The following FBXO42 variants were observed in gnomAD, a reference collection of about 807,000 sequenced individuals.
The protein encoded by FBXO42 is F-box protein 42.
FBXO42 carries 12 observed loss-of-function variants against 71.7 expected under a neutral mutation model. The observed-to-expected ratio is 0.17, with a 90% CI of 0.11 to 0.27. The LOEUF (loss-of-function observed/expected upper bound fraction) is 0.27, where lower values mean the gene tolerates loss of function less well. FBXO42 is among the 10% of genes least tolerant of loss of function. The probability of loss-of-function intolerance (pLI) is 1.00; values close to 1 mark genes in which losing one functional copy is unlikely to be tolerated. For synonymous variants in FBXO42, 325 were observed against 327.5 expected (o/e 0.99, Z 0.08); for missense variants, 707 against 911.9 (o/e 0.78, Z 2.89).
chr1:16,272,154 CAA>C (rs999974704), intron 4 of FBXO42, among the ~76,000 whole-genome samples: 72 of 44,632 alleles, frequency 1.6e-3, no homozygotes, highest in African/African-American at 5.7e-3. Flanking sequence ...GACTCCGTCC[CAA>C]AAAAAAAAAA....
At chr1:16,269,022 G>A (rs1273853712) in intron 4 of FBXO42, among the ~76,000 whole-genome samples, 2 of 151,780 alleles carry the variant, frequency 1.3e-5, no homozygotes, top group African/African-American at 4.8e-5. Flanking sequence ...TGTTGGCCAG[G>A]CTGGTCTCGA....
At chr1:16,325,812 G>A (rs946446711) in intron 1 of FBXO42, among the ~76,000 whole-genome samples, 3 of 151,952 alleles carry the variant, frequency 2.0e-5, no homozygotes, top group African/African-American at 4.8e-5. Flanking sequence ...TTTTAGTAAA[G>A]ACAGGGTTTC....
At chr1:16,268,512 A>G (rs370546255) in intron 4 of FBXO42, among the ~76,000 whole-genome samples, 160 of 152,306 alleles carry the variant, frequency 1.1e-3, no homozygotes, top group African/African-American at 3.7e-3. Flanking sequence ...TTGTTACAGG[A>G]CTGCAAAGGG....
At chr1:16,322,193 G>C (rs1458912183) in intron 1 of FBXO42, among the ~76,000 whole-genome samples, 1 of 152,110 alleles carries the variant, frequency 6.6e-6, no homozygotes, top group African/African-American at 2.4e-5. Flanking sequence ...ATGGAATTTT[G>C]TACCTTTTAA....
chr1:16,299,973 C>G (rs1160594558), intron 3 of FBXO42, among the ~76,000 whole-genome samples: 2 of 152,098 alleles, frequency 1.3e-5, no homozygotes, highest in African/African-American at 4.8e-5. Flanking sequence ...CCCTAGCCTA[C>G]TGAACTTTAC....
rs1021569516 is a variant in FBXO42, at chr1:16,315,088, G to A, written c.250+81C>T. 5.4e-6 allele frequency: 8 copies of A among 1,479,266 alleles called. No homozygotes were observed. In the African/African-American group the frequency reaches 7.0e-5, roughly 13 times the overall value. The allele number at this position is 1,479,266 out of a possible 1,614,324, so 91.6% of individuals were successfully genotyped here. On this transcript the variant is annotated intron_variant, in intron 2 of 9. Coordinates refer to ENST00000375592, the MANE Select transcript of FBXO42 (RefSeq NM_018994.3). ...TATAACCATAATACATTTAAGGGAG[G>A]AAAAAAACTAAATTTGGAGTCTAAA...
At chr1:16,349,115 G>A (rs1036882294) in intron 1 of FBXO42, among the ~76,000 whole-genome samples, 1 of 145,886 alleles carries the variant, frequency 6.9e-6, no homozygotes, top group African/African-American at 2.5e-5. Context: ...TGTCATGACA[G>A]TGAATGAATA....
chr1:16,262,843 G>C (rs2081729342), intron 4 of FBXO42, among the ~76,000 whole-genome samples: 1 of 151,994 alleles, frequency 6.6e-6, no homozygotes, highest in South Asian at 2.1e-4. Flanking sequence ...CCAAGTAGCT[G>C]GGACTACAGG....
intron 1 of FBXO42, among the ~76,000 whole-genome samples, chr1:16,318,305 C>A (rs2082387043): frequency 6.6e-6 from 1 of 152,098 alleles, no homozygotes; most frequent in Non-Finnish European, 1.5e-5. Context: ...GTAATCCCAG[C>A]TACTCGGGAG....
At chr1:16,283,494 G>GTTTTTGTTTTTTTTTT (rs1553151402) in intron 4 of FBXO42, among the ~76,000 whole-genome samples, 1 of 80,972 alleles carries the variant, frequency 1.2e-5, no homozygotes, top group African/African-American at 4.5e-5. Flanking sequence ...ACTGTGGCAA[G>GTTTTTGTTTTTTTTTT]TTTTTTTTTT....
At chr1:16,271,880 TG>T (rs970239829) in intron 4 of FBXO42, among the ~76,000 whole-genome samples, 1 of 151,154 alleles carries the variant, frequency 6.6e-6, no homozygotes, top group Non-Finnish European at 1.5e-5. Flanking sequence ...GGCTCACACT[TG>T]TAATCTCAGC....
intron 4 of FBXO42, among the ~76,000 whole-genome samples, chr1:16,261,851 C>A (rs2081717530): frequency 6.6e-6 from 1 of 151,818 alleles, no homozygotes; most frequent in African/African-American, 2.4e-5. Flanking sequence ...CTACAGGCAC[C>A]CCCCGCCATG....
intron 4 of FBXO42, chr1:16,292,577 G>GT (rs1237919853): frequency 1.3e-5 from 2 of 151,968 alleles, no homozygotes; most frequent in Non-Finnish European, 2.9e-5. Flanking sequence ...GGTTATAGGC[G>GT]TGAGCCACTT....
At chr1:16,299,272 A>C (rs2082164028) in intron 3 of FBXO42, among the ~76,000 whole-genome samples, 1 of 152,066 alleles carries the variant, frequency 6.6e-6, no homozygotes, top group South Asian at 2.1e-4. Context: ...CGGCCTCCCA[A>C]AGTGCTGGGA....
intron 1 of FBXO42, among the ~76,000 whole-genome samples, chr1:16,335,138 T>G (rs1184945639): frequency 9.9e-6 from 1 of 100,546 alleles, no homozygotes; most frequent in Non-Finnish European, 2.1e-5. Context: ...GAAAAGAAAA[T>G]AAATAAAATT....
intron 6 of FBXO42, among the ~76,000 whole-genome samples, chr1:16,254,855 G>T (rs907265627): frequency 2.6e-5 from 4 of 152,192 alleles, no homozygotes; most frequent in Admixed American, 1.3e-4. Context: ...TAGGGACAAT[G>T]ACCTCACAGA....
intron 4 of FBXO42, among the ~76,000 whole-genome samples, chr1:16,286,850 GCTTT>G (rs1162733335): frequency 1.3e-5 from 2 of 152,222 alleles, no homozygotes; most frequent in East Asian, 3.9e-4. Context: ...CATCTTGATT[GCTTT>G]CTTTCTCTTT....
At chr1:16,282,551 A>AT (rs2081975791) in intron 4 of FBXO42, among the ~76,000 whole-genome samples, 5 of 142,520 alleles carry the variant, frequency 3.5e-5, no homozygotes, top group Admixed American at 3.5e-4. Context: ...AAAAAAAAAA[A>AT]TGCTGATCCA....
At chr1:16,334,119 C>T (rs1038906394) in intron 1 of FBXO42, among the ~76,000 whole-genome samples, 2 of 152,176 alleles carry the variant, frequency 1.3e-5, no homozygotes, top group African/African-American at 4.8e-5. Context: ...ATGGGGAGGA[C>T]AGAAGTGTTC....
Sources: gnomAD v4.1 joint callset for allele counts (sites outside exome capture counted in the v4.1 genomes callset) on GRCh38, gnomAD v4.1.1 for gene constraint, MANE v1.5 for transcripts, NCBI Gene and HGNC (gene_info 2026-07-23, HGNC 2026-07-21) for gene names.